The following FRMD6 variants were observed in gnomAD, a reference collection of about 807,000 sequenced individuals.
FRMD6 encodes FERM domain containing 6, also known as FERM domain-containing protein 6.
A neutral mutation model predicts 73.2 loss-of-function variants in FRMD6; 37 were observed. The ratio of observed to expected loss-of-function variants is 0.51; its 90% CI spans 0.39 to 0.66. FRMD6 has a LOEUF of 0.66. FRMD6 is among the 30% of genes least tolerant of loss of function. The pLI is 0.00. For missense variants in FRMD6, 714 were observed against 780.5 expected, an observed-to-expected ratio of 0.91 and a Z score of 1.02; for synonymous variants, 273 against 282.2, an observed-to-expected ratio of 0.97 and a Z score of 0.33.
chr14:51,514,944 TTG>T (rs1884536450), intron 1 of FRMD6, among the ~76,000 whole-genome samples: 1 of 152,212 alleles, frequency 6.6e-6, no homozygotes, highest in South Asian at 2.1e-4. Flanking sequence ...GTATTGCTTT[TTG>T]TGTGTGTTTT....
chr14:51,713,899 A>G (rs1897099096), intron 9 of FRMD6: 3 of 152,198 alleles, frequency 2.0e-5, no homozygotes, highest in Admixed American at 2.0e-4. Context: ...AAGTACATTT[A>G]TGAAATTGAG....
chr14:51,669,372 G>C (rs1049924476), intron 1 of FRMD6, among the ~76,000 whole-genome samples: 1 of 152,134 alleles, frequency 6.6e-6, no homozygotes, highest in African/African-American at 2.4e-5. Flanking sequence ...ATAAGTCTTG[G>C]GGGACATAGC....
intron 1 of FRMD6, among the ~76,000 whole-genome samples, chr14:51,511,102 G>A (rs113045113): frequency 6.6e-6 from 1 of 151,836 alleles, no homozygotes; most frequent in East Asian, 1.9e-4. Context: ...CTGCTTTCTA[G>A]CCTACTCCCC....
chr14:51,503,801 C>T (rs1255051452), intron 1 of FRMD6, among the ~76,000 whole-genome samples: 1 of 149,892 alleles, frequency 6.7e-6, no homozygotes, highest in Non-Finnish European at 1.5e-5. Context: ...GAAATGGTAC[C>T]AGCTCTTCTT....
intron 1 of FRMD6, among the ~76,000 whole-genome samples, chr14:51,561,481 G>GA (rs1175757577): frequency 1.3e-5 from 2 of 152,206 alleles, no homozygotes; most frequent in African/African-American, 4.8e-5. Flanking sequence ...AGCAGCCGGG[G>GA]AAGTATCTTC....
chr14:51,573,202 C>G (rs760474902), intron 2 of FRMD6, among the ~76,000 whole-genome samples: 9 of 152,184 alleles, frequency 5.9e-5, no homozygotes, highest in Non-Finnish European at 1.3e-4. Flanking sequence ...TTATGCATCA[C>G]TTAAACCCCA....
At chr14:51,581,092 T>G (rs1234391959) in intron 2 of FRMD6, among the ~76,000 whole-genome samples, 1 of 152,222 alleles carries the variant, frequency 6.6e-6, no homozygotes, top group Non-Finnish European at 1.5e-5. Context: ...TAAACCAATG[T>G]GGCCCCAGAG....
chr14:51,590,062 C>CAAAA (rs529602796), intron 2 of FRMD6, among the ~76,000 whole-genome samples: 170 of 82,576 alleles, frequency 2.1e-3, no homozygotes, highest in African/African-American at 5.6e-3. Flanking sequence ...GAGCGAAACT[C>CAAAA]AAAAAAAAAA....
chr14:51,434,856 T>C, the FRMD6 span, among the ~76,000 whole-genome samples: 2 of 152,188 alleles, frequency 1.3e-5, no homozygotes, highest in African/African-American at 2.4e-5. Context: ...TATGGGACAC[T>C]GAGAAGGGCA....
chr14:51,459,715 T>C, the FRMD6 span, among the ~76,000 whole-genome samples: 9 of 150,374 alleles, frequency 6.0e-5, no homozygotes, highest in African/African-American at 2.2e-4. Context: ...TAGTCCCAGC[T>C]GCTCGGGAGG....
chr14:51,399,967 TA>T, the FRMD6 span, among the ~76,000 whole-genome samples: 24,581 of 151,842 alleles, frequency 0.16, 2,590 homozygotes, highest in Non-Finnish European at 0.23. Flanking sequence ...ATTCCTTTTT[TA>T]AAAAAAGTTT....
chr14:51,507,793 A>G (rs928368539), intron 1 of FRMD6, among the ~76,000 whole-genome samples: 1 of 152,186 alleles, frequency 6.6e-6, no homozygotes, highest in Non-Finnish European at 1.5e-5. Flanking sequence ...AGTGGTGACA[A>G]TGCTAAGTGA....
chr14:51,514,127 CA>C (rs1221660556), intron 1 of FRMD6, among the ~76,000 whole-genome samples: 1 of 152,164 alleles, frequency 6.6e-6, no homozygotes, highest in Non-Finnish European at 1.5e-5. Context: ...ATCTCTCCCC[CA>C]CATGACTCTT....
At chr14:51,705,948 C>T (rs558076155) in intron 6 of FRMD6, among the ~76,000 whole-genome samples, 6 of 152,252 alleles carry the variant, frequency 3.9e-5, no homozygotes, top group South Asian at 4.1e-4. Context: ...ATGCTTTTAA[C>T]GATCACCTAT....
At chr14:51,433,741 T>C in the FRMD6 span, among the ~76,000 whole-genome samples, 4 of 152,204 alleles carry the variant, frequency 2.6e-5, no homozygotes, top group East Asian at 7.7e-4. Context: ...GCAGTACTTT[T>C]CTGAATATGC....
chr14:51,506,736 A>T (rs144012296), intron 1 of FRMD6, among the ~76,000 whole-genome samples: 1 of 152,338 alleles, frequency 6.6e-6, no homozygotes, highest in East Asian at 1.9e-4. Context: ...TTATATAAAG[A>T]TACCTGTTTA....
chr14:51,551,477 G>A (rs780982804), intron 1 of FRMD6, among the ~76,000 whole-genome samples: 3 of 152,186 alleles, frequency 2.0e-5, no homozygotes, highest in Admixed American at 1.3e-4. Context: ...GCTCAGGCCT[G>A]TAATCTTAGC....
At chr14:51,455,494 T>C in the FRMD6 span, among the ~76,000 whole-genome samples, 24 of 152,374 alleles carry the variant, frequency 1.6e-4, no homozygotes, top group Admixed American at 1.2e-3. Context: ...CTTGCATTTG[T>C]CGGGCAGTTT....
At chr14:51,495,590 T>G (rs1883249819) in intron 1 of FRMD6, among the ~76,000 whole-genome samples, 1 of 152,208 alleles carries the variant, frequency 6.6e-6, no homozygotes. Context: ...TGAATTCATT[T>G]ATAGTTCTCC....
Sources: gnomAD v4.1 joint callset for allele counts (sites outside exome capture counted in the v4.1 genomes callset) on GRCh38, gnomAD v4.1.1 for gene constraint, MANE v1.5 for transcripts, NCBI Gene and HGNC (gene_info 2026-07-23, HGNC 2026-07-21) for gene names.